The following CACNA1C variants were observed in gnomAD, a reference collection of about 807,000 sequenced individuals.
CACNA1C encodes the protein voltage-dependent L-type calcium channel subunit alpha-1C.
In CACNA1C, 30 loss-of-function variants were observed where a neutral mutation model predicts 229.0. The observed-to-expected ratio is 0.13, with a 90% CI of 0.10 to 0.18. The LOEUF (loss-of-function observed/expected upper bound fraction) is 0.18. CACNA1C is among the 10% of genes least tolerant of loss of function. The probability of loss-of-function intolerance (pLI) is 1.00; values close to 1 mark genes in which losing one functional copy is unlikely to be tolerated. For synonymous variants in CACNA1C, 1,114 were observed against 1,132.5 expected (o/e 0.98, Z 0.33); for missense variants, 1,658 against 2,845.0 (o/e 0.58, Z 9.49).
At chr12:2,209,638 T>C (rs931281103) in intron 3 of CACNA1C, among the ~76,000 whole-genome samples, 1 of 152,232 alleles carries the variant, frequency 6.6e-6, no homozygotes, top group African/African-American at 2.4e-5. Flanking sequence ...AATAACTATC[T>C]TGAGCTTCAG....
intron 3 of CACNA1C, among the ~76,000 whole-genome samples, chr12:2,361,759 G>A (rs899884927): frequency 6.6e-6 from 1 of 152,208 alleles, no homozygotes; most frequent in Non-Finnish European, 1.5e-5. Context: ...AAATTCTAAT[G>A]AATCCATATA....
chr12:2,684,293 G>T (rs1452616775), intron 43 of CACNA1C, among the ~76,000 whole-genome samples: 1 of 152,114 alleles, frequency 6.6e-6, no homozygotes, highest in East Asian at 1.9e-4. Flanking sequence ...GTGCCTTCGT[G>T]TCCCCATCAG....
intron 3 of CACNA1C, among the ~76,000 whole-genome samples, chr12:2,300,390 G>A (rs1367285899): frequency 6.6e-6 from 1 of 152,200 alleles, no homozygotes; most frequent in Non-Finnish European, 1.5e-5. Context: ...AAGGCTGATT[G>A]CAGGTGGATC....
At chr12:2,560,781 G>C (rs978132141) in intron 11 of CACNA1C, among the ~76,000 whole-genome samples, 34 of 134,614 alleles carry the variant, frequency 2.5e-4, no homozygotes, top group African/African-American at 9.2e-4. Flanking sequence ...ATAGTCCTTT[G>C]TAAAGTTACT....
intron 3 of CACNA1C, among the ~76,000 whole-genome samples, chr12:2,416,457 AT>A (rs1416985272): frequency 6.6e-6 from 1 of 152,184 alleles, no homozygotes; most frequent in Non-Finnish European, 1.5e-5. Context: ...CGATTGTAAT[AT>A]TTATAAGTTT....
chr12:2,686,237 A>T lies in CACNA1C; in HGVS notation c.5752A>T (p.Thr1918Ser), dbSNP rs1339134190. ...KDRGGDISQK[T>S]VLPLHLVHHQ... Reference sequence around the variant, plus strand: ...CCGAGGGGGAGACATCTCTCAGAAGACAGTCCTGCCCTTGCATCTGGTTCA... The same window carrying T: ...CCGAGGGGGAGACATCTCTCAGAAGTCAGTCCTGCCCTTGCATCTGGTTCA... The change falls in exon 45 of 47, where the codon ACA (threonine) becomes TCA (serine). Residue 1918 changes from threonine (T) to serine (S), a missense_variant. By Grantham distance (58) the Thr-to-Ser change is moderately conservative. Around this residue, in one of 20 missense-constraint regions of CACNA1C, gnomAD observed 590 missense variants for 700.8 expected, o/e 0.84. Coordinates refer to ENST00000399655, the MANE Select transcript of CACNA1C (RefSeq NM_000719.7). 1.2e-6 allele frequency: 2 copies of T among 1,612,902 alleles called. No homozygotes were observed. The highest frequency in any genetic ancestry group is 2.7e-5 in the African/African-American group (2 of 74,892).
At chr12:2,119,570 C>A (rs954205651) in intron 2 of CACNA1C, among the ~76,000 whole-genome samples, 1 of 152,208 alleles carries the variant, frequency 6.6e-6, no homozygotes, top group Non-Finnish European at 1.5e-5. Context: ...GGTGAGGGAA[C>A]CTTGGGCTGT....
intron 1 of CACNA1C, among the ~76,000 whole-genome samples, chr12:1,973,456 A>C (rs2033200864): frequency 6.6e-6 from 1 of 152,250 alleles, no homozygotes; most frequent in Non-Finnish European, 1.5e-5. Context: ...GATTAAATTA[A>C]TATGTACTCT....
At chr12:1,994,547 A>C (rs1189750519) in intron 1 of CACNA1C, among the ~76,000 whole-genome samples, 1 of 152,218 alleles carries the variant, frequency 6.6e-6, no homozygotes, top group African/African-American at 2.4e-5. Context: ...CTTCAACTTA[A>C]ATTCAGAGGA....
intron 3 of CACNA1C, among the ~76,000 whole-genome samples, chr12:2,310,971 A>G (rs144261085): frequency 1.7e-3 from 257 of 152,310 alleles, no homozygotes; most frequent in Non-Finnish European, 2.9e-3. Context: ...AGTGCCTTCT[A>G]GAGTCTAATC....
In CACNA1C at chr12:2,682,698, G is replaced by A. The variant is rs765413138; in HGVS notation, c.5573+20G>A. 9.4e-6 allele frequency: 15 copies of A among 1,603,752 alleles called. No individual in the cohort carries two copies. In the South Asian group the frequency reaches 1.4e-4, roughly 15 times the overall value. On this transcript the variant is annotated intron_variant, in intron 43 of 46. Transcript: ENST00000399655. ...AGAGATGTGAGCTCTGCTGCCCTCT[G>A]CTGAGGCTGACCCAAGTGTGGGAAC...
chr12:2,233,801 G>A (rs1405944342), intron 3 of CACNA1C, among the ~76,000 whole-genome samples: 1 of 152,116 alleles, frequency 6.6e-6, no homozygotes, highest in Non-Finnish European at 1.5e-5. Context: ...TGGGGTATAG[G>A]GGAGGCATCC....
intron 3 of CACNA1C, among the ~76,000 whole-genome samples, chr12:2,399,614 T>G (rs11062213): frequency 0.053 from 8,007 of 152,330 alleles, 274 homozygotes; most frequent in Non-Finnish European, 0.081. Flanking sequence ...TCTTCTCTCC[T>G]TCTCTGCCAC....
chr12:2,398,595 TGTC>T (rs1262309378), intron 3 of CACNA1C, among the ~76,000 whole-genome samples: 1 of 152,176 alleles, frequency 6.6e-6, no homozygotes, highest in Non-Finnish European at 1.5e-5. Context: ...TCCACAGAGT[TGTC>T]ATCATTGACT....
intron 3 of CACNA1C, among the ~76,000 whole-genome samples, chr12:2,304,939 A>G (rs16929235): frequency 0.014 from 2,061 of 152,156 alleles, 46 homozygotes; most frequent in African/African-American, 0.047. Flanking sequence ...TTCATTTCTA[A>G]TGTGACGTTA....
intron 8 of CACNA1C, among the ~76,000 whole-genome samples, chr12:2,507,761 A>G (rs2099774936): frequency 6.6e-6 from 1 of 152,212 alleles, no homozygotes; most frequent in African/African-American, 2.4e-5. Context: ...ACCAGGCAAA[A>G]TGACCTCAAT....
intron 1 of CACNA1C, among the ~76,000 whole-genome samples, chr12:2,091,885 G>A (rs2071284491): frequency 6.6e-6 from 1 of 152,172 alleles, no homozygotes; most frequent in South Asian, 2.1e-4. Context: ...GCTTGACTTT[G>A]GTTTGGCTTT....
intron 3 of CACNA1C, among the ~76,000 whole-genome samples, chr12:2,343,027 C>T (rs1169157402): frequency 3.9e-5 from 6 of 152,190 alleles, no homozygotes; most frequent in Admixed American, 3.9e-4. Flanking sequence ...AAAAAACAAA[C>T]AAGCAAGCAA....
At chr12:2,308,768 T>C (rs1387041042) in intron 3 of CACNA1C, among the ~76,000 whole-genome samples, 1 of 152,232 alleles carries the variant, frequency 6.6e-6, no homozygotes, top group East Asian at 1.9e-4. Flanking sequence ...TCAACCTTAC[T>C]GATCACCAGG....
Sources: gnomAD v4.1 joint callset for allele counts (sites outside exome capture counted in the v4.1 genomes callset) on GRCh38, gnomAD v4.1.1 for gene constraint, gnomAD v4.1.1 regional missense constraint, MANE v1.5 for transcripts, NCBI Gene and HGNC (gene_info 2026-07-23, HGNC 2026-07-21) for gene names.